The following PDZRN4 variants were observed in gnomAD, a reference collection of about 807,000 sequenced individuals.
PDZRN4 encodes PDZ domain containing ring finger 4.
Under a neutral mutation model 99.0 loss-of-function variants are expected in PDZRN4, and 70 were observed. The ratio of observed to expected loss-of-function variants is 0.71; its 90% CI spans 0.58 to 0.86. The LOEUF is 0.86. Ranked by LOEUF, PDZRN4 falls within the 40% of genes least tolerant of loss-of-function variation. PDZRN4 has a pLI of 0.00. For synonymous variants in PDZRN4, 551 were observed against 501.6 expected, an observed-to-expected ratio of 1.10 and a Z score of -1.32; for missense variants, 1,474 against 1,331.2, an observed-to-expected ratio of 1.11 and a Z score of -1.67.
intron 3 of PDZRN4, among the ~76,000 whole-genome samples, chr12:41,278,419 T>C (rs1197236237): frequency 6.6e-6 from 1 of 152,226 alleles, no homozygotes; most frequent in Non-Finnish European, 1.5e-5. Context: ...ATCTTAGCAG[T>C]CTGTTAAATG....
chr12:41,554,809 G>A (rs187753633), intron 6 of PDZRN4, among the ~76,000 whole-genome samples: 79 of 151,802 alleles, frequency 5.2e-4, no homozygotes, highest in African/African-American at 1.9e-3. Flanking sequence ...GATCAGATGT[G>A]CGTGTGTGTG....
chr12:41,519,035 T>C (rs1001776255), intron 5 of PDZRN4, among the ~76,000 whole-genome samples: 1 of 152,086 alleles, frequency 6.6e-6, no homozygotes, highest in Non-Finnish European at 1.5e-5. Context: ...GGGCTTAACA[T>C]TATAGTTAGT....
At chr12:41,356,799 T>C (rs1951930855) in intron 3 of PDZRN4, among the ~76,000 whole-genome samples, 1 of 152,004 alleles carries the variant, frequency 6.6e-6, no homozygotes, top group African/African-American at 2.4e-5. Flanking sequence ...ATTTTATCTT[T>C]GAACAACTAA....
chr12:41,483,018 T>A (rs1027496584), intron 3 of PDZRN4, among the ~76,000 whole-genome samples: 4 of 151,802 alleles, frequency 2.6e-5, no homozygotes, highest in African/African-American at 9.7e-5. Context: ...ATATTAAAAA[T>A]TATATATAAT....
intron 3 of PDZRN4, among the ~76,000 whole-genome samples, chr12:41,368,085 T>A (rs1211017935): frequency 6.6e-6 from 1 of 152,034 alleles, no homozygotes; most frequent in East Asian, 1.9e-4. Context: ...TGTCTCTTCT[T>A]GGTCAAAAAG....
At chr12:41,545,269 C>T (rs1938926118) in intron 5 of PDZRN4, among the ~76,000 whole-genome samples, 1 of 152,186 alleles carries the variant, frequency 6.6e-6, no homozygotes, top group South Asian at 2.1e-4. Context: ...CAATCTTAAA[C>T]TCTTAGCTTC....
chr12:41,496,236 T>C (rs1385727391), intron 3 of PDZRN4, among the ~76,000 whole-genome samples: 2 of 152,122 alleles, frequency 1.3e-5, no homozygotes, highest in Admixed American at 1.3e-4. Flanking sequence ...ACTGTCATTG[T>C]CACTGCCAGG....
rs369096516 is a variant in PDZRN4 at position 41,566,175 on chromosome 12, T to C, written c.1468-1608T>C. 9.8e-5 allele frequency among the ~76,000 whole-genome samples: 15 copies of C among 152,310 alleles called. No individual in the cohort carries two copies. In the South Asian group the frequency reaches 2.7e-3, roughly 27 times the overall value. ...GGATTACTCAATAAGAAAAGAGTTA[T>C]GGGGAATCATTAATTTTGACCATTT... On this transcript the variant is annotated intron_variant, in intron 8 of 9. Transcript: ENST00000402685.
At chr12:41,547,000 C>A (rs1227334972) in intron 5 of PDZRN4, among the ~76,000 whole-genome samples, 1 of 152,188 alleles carries the variant, frequency 6.6e-6, no homozygotes, top group East Asian at 1.9e-4. Context: ...TTAGCAATAC[C>A]TTTAGGAACC....
intron 3 of PDZRN4, among the ~76,000 whole-genome samples, chr12:41,208,001 G>A (rs1297692250): frequency 2.6e-5 from 4 of 151,636 alleles, no homozygotes; most frequent in Non-Finnish European, 5.9e-5. Context: ...GTTTTCTTAT[G>A]GCACTTGGAG....
At position 41,192,688 on chromosome 12, in the gene PDZRN4, G is replaced by A. The variant is rs556593136; in HGVS notation, c.735+1144G>A. Among the ~76,000 whole-genome samples, 257 of 152,246 alleles carry A rather than the reference G, an allele frequency of 1.7e-3. 1 individual carries two copies. Among genetic ancestry groups the A allele is most frequent in the Admixed American group, 6.7e-3 (102 of 15,290 alleles). On this transcript the variant is annotated intron_variant, in intron 2 of 9. Coordinates refer to ENST00000402685, the MANE Select transcript of PDZRN4 (RefSeq NM_001164595.2). ...ATATTGAATGAATGAATGAACAGTT[G>A]AAACAAGGGATGATTGATTTCAATA...
intron 3 of PDZRN4, among the ~76,000 whole-genome samples, chr12:41,323,615 A>C (rs1473797070): frequency 1.3e-5 from 2 of 152,006 alleles, no homozygotes; most frequent in Admixed American, 1.3e-4. Flanking sequence ...TAAATTTTAT[A>C]TAATTTGAAA....
In PDZRN4 at chr12:41,188,756, G is replaced by T; in HGVS notation, c.301G>T (p.Val101Phe). Residue 101 changes from valine (V) to phenylalanine (F), a missense_variant, in exon 1 of 10, where the codon GTC (valine) becomes TTC (phenylalanine). Val to Phe is a conservative substitution (Grantham distance 50, BLOSUM62 -1). Transcript: ENST00000402685. ...CAGGCTGCACGAGCTGGAGGCGCAC[G>T]TCGAGCACTGCGACTTCGGCCCTGC... The part of the protein sequence containing the change: ...SVRLHELEAH[V>F]EHCDFGPARR... The T allele has an allele frequency of 4.1e-6, 6 of 1,469,912 alleles. No individual in the cohort carries two copies. Among genetic ancestry groups the T allele is most frequent in the Non-Finnish European group, 5.4e-6 (6 of 1,119,096 alleles). The allele number at this position is 1,469,912 out of a possible 1,614,324, so 91.1% of individuals were successfully genotyped here. A position where few individuals can be genotyped will look rare whatever the true frequency, so the allele number is the denominator to read the frequency against.
chr12:41,292,730 A>G (rs1314363831), intron 3 of PDZRN4, among the ~76,000 whole-genome samples: 3 of 152,106 alleles, frequency 2.0e-5, no homozygotes, highest in Admixed American at 2.0e-4. Context: ...TGTTGTCTTC[A>G]TTCTCTAAGG....
chr12:41,235,738 C>T (rs751314896), intron 3 of PDZRN4, among the ~76,000 whole-genome samples: 36 of 152,160 alleles, frequency 2.4e-4, no homozygotes, highest in Middle Eastern at 3.2e-3. Context: ...CCTCAGGGGC[C>T]ATTTGGCATA....
chr12:41,556,078 G>A (rs1248324203), intron 7 of PDZRN4, among the ~76,000 whole-genome samples: 1 of 152,102 alleles, frequency 6.6e-6, no homozygotes, highest in Non-Finnish European at 1.5e-5. Context: ...TTAAAAAAAT[G>A]GTAATAATAA....
At chr12:41,286,268 A>G (rs1951421483) in intron 3 of PDZRN4, among the ~76,000 whole-genome samples, 2 of 151,350 alleles carry the variant, frequency 1.3e-5, no homozygotes, top group Non-Finnish European at 2.9e-5. Context: ...TCTAAGATAG[A>G]CACTAAAGAA....
At chr12:41,415,002 G>A (rs188312310) in intron 3 of PDZRN4, among the ~76,000 whole-genome samples, 14 of 152,148 alleles carry the variant, frequency 9.2e-5, no homozygotes, top group Admixed American at 4.6e-4. Context: ...GGAAAGAGAG[G>A]TTCTAATCAT....
chr12:41,295,616 A>T (rs1403878030), intron 3 of PDZRN4, among the ~76,000 whole-genome samples: 1 of 152,166 alleles, frequency 6.6e-6, no homozygotes, highest in Non-Finnish European at 1.5e-5. Flanking sequence ...GAAAATCTGT[A>T]TTATGAAAAA....
Sources: gnomAD v4.1 joint callset for allele counts (sites outside exome capture counted in the v4.1 genomes callset) on GRCh38, gnomAD v4.1.1 for gene constraint, MANE v1.5 for transcripts, NCBI Gene and HGNC (gene_info 2026-07-23, HGNC 2026-07-21) for gene names.